EIF2B3: variants seen among roughly 807,000 people sequenced by gnomAD.
The protein encoded by EIF2B3 is translation initiation factor eIF2B subunit gamma.
EIF2B3 carries 20 observed loss-of-function variants against 54.1 expected under a neutral mutation model. The ratio of observed to expected loss-of-function variants is 0.37; its 90% CI spans 0.26 to 0.54. The LOEUF is 0.54. Among genes scored for constraint, EIF2B3 ranks in the 20% least tolerant of loss-of-function variants. The pLI, the probability that EIF2B3 is intolerant of heterozygous loss-of-function variation, is 0.86. For synonymous variants in EIF2B3, 153 were observed against 188.1 expected (o/e 0.81, Z 1.52); for missense variants, 448 against 547.8 (o/e 0.82, Z 1.82).
intron 6 of EIF2B3, among the ~76,000 whole-genome samples, chr1:44,886,873 C>A (rs150453106): frequency 6.6e-6 from 1 of 152,272 alleles, no homozygotes; most frequent in African/African-American, 2.4e-5. Flanking sequence ...CTTCCTAATT[C>A]ATGAATCATT....
chr1:44,946,012 G>C (rs1644097891), intron 3 of EIF2B3, among the ~76,000 whole-genome samples: 1 of 152,168 alleles, frequency 6.6e-6, no homozygotes, highest in African/African-American at 2.4e-5. Context: ...ATCTGCAAAA[G>C]TGTTTAAATC....
intron 3 of EIF2B3, chr1:44,958,908 C>A: frequency 2.5e-6 from 2 of 800,354 alleles, no homozygotes; most frequent in Non-Finnish European, 4.4e-6. Flanking sequence ...TGAGGGCCAT[C>A]TGAAACAGAC....
At chr1:44,958,495 A>G in intron 3 of EIF2B3, 1 of 908,166 alleles carries the variant, frequency 1.1e-6, no homozygotes, top group Non-Finnish European at 1.7e-6. Context: ...TATACAGTAG[A>G]TGATTACTGC....
chr1:44,975,280 A>G (rs1178165032), intron 3 of EIF2B3, among the ~76,000 whole-genome samples: 1 of 152,194 alleles, frequency 6.6e-6, no homozygotes, highest in African/African-American at 2.4e-5. Context: ...AAACTTAAAT[A>G]AATAGATACA....
intron 3 of EIF2B3, among the ~76,000 whole-genome samples, chr1:44,955,170 A>T (rs557424692): frequency 6.6e-6 from 1 of 152,286 alleles, no homozygotes; most frequent in Non-Finnish European, 1.5e-5. Context: ...ACCAAAACAG[A>T]TATATAGACC....
At chr1:44,960,592 C>G (rs13373817) in intron 3 of EIF2B3, among the ~76,000 whole-genome samples, 3 of 151,626 alleles carry the variant, frequency 2.0e-5, no homozygotes, top group African/African-American at 7.3e-5. Context: ...GAGCCGAGAT[C>G]GCGCCACTGC....
chr1:44,863,775 A>T (rs1654684838), intron 10 of EIF2B3, among the ~76,000 whole-genome samples: 1 of 152,222 alleles, frequency 6.6e-6, no homozygotes, highest in Non-Finnish European at 1.5e-5. Flanking sequence ...AATGTTTTAG[A>T]ATTGTACATA....
At chr1:44,936,554 G>T (rs1448785912) in intron 4 of EIF2B3, among the ~76,000 whole-genome samples, 1 of 152,094 alleles carries the variant, frequency 6.6e-6, no homozygotes, top group Non-Finnish European at 1.5e-5. Context: ...TCGCGCCATT[G>T]CACTCCAGCC....
Position 44,879,899 on chromosome 1 carries a change from C to A in EIF2B3, c.894G>T (p.Val298=). 1 of 1,614,182 alleles carries A rather than the reference C, an allele frequency of 6.2e-7. No homozygotes were observed. Among genetic ancestry groups the A allele is most frequent in the Non-Finnish European group, 8.5e-7 (1 of 1,180,030 alleles). ...CTTTCATGATGTGGACATAGCAGCG[C>A]ACCTGTGATCTGGACAAGTCTTCCC... ...DRWEDLSRSQ[V]RCYVHIMKEG... The change falls in exon 8 of 12, where the codon GTG becomes GTT. Residue 298 remains valine (V), a synonymous_variant. Coordinates refer to ENST00000360403, the MANE Select transcript of EIF2B3 (RefSeq NM_020365.5).
intron 11 of EIF2B3, 129 bp downstream of exon 11, chr1:44,857,575 G>A (rs1654470118): frequency 1.1e-6 from 1 of 881,702 alleles, no homozygotes; most frequent in Non-Finnish European, 1.9e-6. Flanking sequence ...TCCAAAGATG[G>A]CTTTATCAAT....
intron 4 of EIF2B3, among the ~76,000 whole-genome samples, chr1:44,930,307 G>A (rs11211057): frequency 2.0e-4 from 30 of 152,268 alleles, no homozygotes; most frequent in Non-Finnish European, 4.1e-4. Flanking sequence ...GAAAGGAACA[G>A]GCAAATTTAC....
intron 11 of EIF2B3, among the ~76,000 whole-genome samples, chr1:44,851,880 C>T (rs923602443): frequency 2.6e-5 from 4 of 151,998 alleles, no homozygotes; most frequent in African/African-American, 9.7e-5. Context: ...CCCTCCATGA[C>T]ATCTTTGCCT....
intron 6 of EIF2B3, among the ~76,000 whole-genome samples, chr1:44,896,045 C>T (rs1322833331): frequency 6.6e-6 from 1 of 152,170 alleles, no homozygotes; most frequent in East Asian, 1.9e-4. Flanking sequence ...ATCTTGGCAA[C>T]AAGTTACCCT....
At chr1:44,917,753 CTCTT>C (rs1557684468) in intron 5 of EIF2B3, among the ~76,000 whole-genome samples, 8 of 97,920 alleles carry the variant, frequency 8.2e-5, no homozygotes, top group Non-Finnish European at 1.6e-4. Context: ...ACCAATAACA[CTCTT>C]TTTTTTTTTT....
intron 10 of EIF2B3, among the ~76,000 whole-genome samples, chr1:44,860,718 G>C (rs1430407741): frequency 6.6e-6 from 1 of 152,188 alleles, no homozygotes; most frequent in Non-Finnish European, 1.5e-5. Flanking sequence ...AGTGGAAGAA[G>C]CTCTTTCCTA....
chr1:44,859,762 T>C (rs1355368681), intron 10 of EIF2B3, among the ~76,000 whole-genome samples: 1 of 152,216 alleles, frequency 6.6e-6, no homozygotes, highest in Non-Finnish European at 1.5e-5. Context: ...CTGTACATTA[T>C]AGGACTGACT....
At chr1:44,907,060 A>G (rs745986894) in intron 5 of EIF2B3, among the ~76,000 whole-genome samples, 1 of 152,094 alleles carries the variant, frequency 6.6e-6, no homozygotes. Flanking sequence ...TACCTGCTAA[A>G]TCCTTCTCTA....
At chr1:44,872,971 C>A (rs761089902) in intron 10 of EIF2B3, among the ~76,000 whole-genome samples, 1 of 152,170 alleles carries the variant, frequency 6.6e-6, no homozygotes, top group Middle Eastern at 3.2e-3. Context: ...GGTGTGCTGA[C>A]GCTGGCTTGT....
At chr1:44,896,285 A>C (rs891485068) in intron 6 of EIF2B3, among the ~76,000 whole-genome samples, 1 of 152,134 alleles carries the variant, frequency 6.6e-6, no homozygotes, top group East Asian at 1.9e-4. Flanking sequence ...AGCTATAACA[A>C]TCCTTGGGAA....
Sources: allele counts gnomAD v4.1 joint callset (sites outside exome capture counted in the v4.1 genomes callset), GRCh38; gene constraint gnomAD v4.1.1; transcripts MANE v1.5; gene names NCBI Gene and HGNC (gene_info 2026-07-23, HGNC 2026-07-21).